Variants in LRP1B observed in about 807,000 individuals in gnomAD.
LRP1B encodes the protein LDL receptor related protein 1B.
A neutral mutation model predicts 556.6 loss-of-function variants in LRP1B; 217 were observed. The observed-to-expected ratio is 0.39, with a 90% confidence interval of 0.35 to 0.44. The LOEUF (loss-of-function observed/expected upper bound fraction) is 0.44. Among genes scored for constraint, LRP1B ranks in the 20% least tolerant of loss-of-function variants. The pLI is 1.00. For missense variants in LRP1B, 5,053 were observed against 5,620.8 expected (o/e 0.90, Z 3.23); for synonymous variants, 2,047 against 1,865.8 (o/e 1.10, Z -2.50).
At chr2:142,129,035 G>A (rs1037286977) in intron 1 of LRP1B, among the ~76,000 whole-genome samples, 27 of 152,204 alleles carry the variant, frequency 1.8e-4, no homozygotes, top group African/African-American at 6.3e-4. Flanking sequence ...CAATCAGGAA[G>A]AGCCCAATAG....
intron 2 of LRP1B, among the ~76,000 whole-genome samples, chr2:141,690,409 A>T (rs1440249477): frequency 1.3e-5 from 1 of 78,236 alleles, no homozygotes; most frequent in Middle Eastern, 5.2e-3. Flanking sequence ...ATATATATAT[A>T]TATATATATA....
chr2:141,876,141 G>A (rs1342476842), intron 1 of LRP1B, among the ~76,000 whole-genome samples: 1 of 152,018 alleles, frequency 6.6e-6, no homozygotes, highest in South Asian at 2.1e-4. Context: ...CTGATATGAT[G>A]AGTAATTCTC....
At chr2:141,363,412 TTTC>T (rs1318068212) in intron 3 of LRP1B, among the ~76,000 whole-genome samples, 1 of 151,706 alleles carries the variant, frequency 6.6e-6, no homozygotes, top group Non-Finnish European at 1.5e-5. Context: ...TGTGTTTATA[TTTC>T]TTAATGACAC....
intron 1 of LRP1B, among the ~76,000 whole-genome samples, chr2:141,811,604 G>A (rs1290176771): frequency 3.9e-5 from 6 of 151,984 alleles, no homozygotes; most frequent in Non-Finnish European, 7.4e-5. Context: ...TACAGATGTA[G>A]GGTATAAGAG....
intron 18 of LRP1B, among the ~76,000 whole-genome samples, chr2:140,976,069 C>T (rs1696586282): frequency 6.6e-6 from 1 of 152,000 alleles, no homozygotes; most frequent in Admixed American, 6.6e-5. Context: ...AGGTACCCAT[C>T]ACCACCCCTG....
chr2:142,068,743 G>A (rs1172964659), intron 1 of LRP1B, among the ~76,000 whole-genome samples: 1 of 151,388 alleles, frequency 6.6e-6, no homozygotes, highest in Non-Finnish European at 1.5e-5. Flanking sequence ...ACTGTGTTAG[G>A]CCCTCAGAAG....
rs146225950 is a variant in LRP1B, at chr2:140,624,996, C to T, written c.6800-23357G>A. ...TTCACAGAACAAGGAGGCCAGGAGCCGGGAAAGAGAGAGCATAAGAAAAAG... is the reference window on the plus strand; with the variant it reads ...TTCACAGAACAAGGAGGCCAGGAGCTGGGAAAGAGAGAGCATAAGAAAAAG... On this transcript the variant is annotated intron_variant, in intron 41 of 90. Coordinates refer to ENST00000389484, the MANE Select transcript of LRP1B (RefSeq NM_018557.3). 1.3e-4 allele frequency among the ~76,000 whole-genome samples: 19 copies of T among 151,874 alleles called. No individual in the cohort carries two copies. In the East Asian group the frequency reaches 2.5e-3, roughly 20 times the overall value.
Position 140,700,580 on chromosome 2 carries a change from G to T in LRP1B, c.6469C>A (p.Leu2157Ile). ...CGGGAATTTCCTCGATAAAGACAGAGTTGCTTACAGCCACCATTGTCCCTG... is the reference window on the plus strand; with the variant it reads ...CGGGAATTTCCTCGATAAAGACAGATTTGCTTACAGCCACCATTGTCCCTG... ...CARDNGGCKQ[L>I]CLYRGNSRRT... The change falls in exon 41 of 91, where the codon CTC becomes ATC. Residue 2157 changes from leucine to isoleucine, a missense_variant. Physicochemically the swap from Leu to Ile is conservative, Grantham distance 5. Around this residue, in one of 5 missense-constraint regions of LRP1B, gnomAD observed 3,619 missense variants for 3,931.9 expected, o/e 0.92. Transcript: ENST00000389484. 6.2e-7 allele frequency: 1 copy of T among 1,613,544 alleles called. No individual in the cohort carries two copies. The highest frequency in any genetic ancestry group is 8.5e-7 in the Non-Finnish European group (1 of 1,179,642).
chr2:141,897,821 A>G (rs1699499008), intron 1 of LRP1B, among the ~76,000 whole-genome samples: 2 of 152,150 alleles, frequency 1.3e-5, no homozygotes, highest in South Asian at 2.1e-4. Context: ...AAATTTCACA[A>G]CTTCTCCCAA....
intron 41 of LRP1B, among the ~76,000 whole-genome samples, chr2:140,617,590 A>T (rs1328158749): frequency 6.6e-6 from 1 of 151,996 alleles, no homozygotes; most frequent in African/African-American, 2.4e-5. Context: ...TATATAAGGG[A>T]AAATAAAATT....
intron 46 of LRP1B, among the ~76,000 whole-genome samples, chr2:140,536,294 A>G (rs1162972124): frequency 1.5e-5 from 2 of 131,716 alleles, no homozygotes; most frequent in African/African-American, 2.8e-5. Flanking sequence ...GGGCAACACA[A>G]TGAGACCCCG....
intron 3 of LRP1B, among the ~76,000 whole-genome samples, chr2:141,282,185 G>T (rs114430944): frequency 0.011 from 1,725 of 152,066 alleles, 14 homozygotes; most frequent in Middle Eastern, 0.017. Flanking sequence ...GATTACAGGG[G>T]AGACTAAAGG....
At chr2:140,446,040 T>C (rs1473588628) in intron 63 of LRP1B, among the ~76,000 whole-genome samples, 2 of 139,282 alleles carry the variant, frequency 1.4e-5, no homozygotes, top group East Asian at 3.9e-4. Flanking sequence ...ATATATGGTC[T>C]GCTTCCATAG....
At chr2:140,586,019 T>TA (rs1054843101) in intron 43 of LRP1B, among the ~76,000 whole-genome samples, 40 of 152,236 alleles carry the variant, frequency 2.6e-4, no homozygotes, top group African/African-American at 9.1e-4. Context: ...AAAGTGTCTT[T>TA]AAAAAAACTC....
intron 41 of LRP1B, among the ~76,000 whole-genome samples, chr2:140,631,979 CA>C (rs145805323): frequency 0.044 from 6,641 of 152,024 alleles, 174 homozygotes; most frequent in Middle Eastern, 0.065. Flanking sequence ...ACCAAACAAG[CA>C]AAAAGACTGG....
rs537263630 is a variant in LRP1B at position 142,030,343 on chromosome 2, A to G, written c.82+100305T>C. Among the ~76,000 whole-genome samples, 40 of 152,112 alleles carry G rather than the reference A, an allele frequency of 2.6e-4. No individual in the cohort carries two copies. In the South Asian group the frequency reaches 3.5e-3, roughly 13 times the overall value. The stretch of plus-strand genomic sequence containing the variant: ...AAATATAAATTGAATAACCACTGCT[A>G]AACATATTGATGGTTGTAATTTAAG... On this transcript the variant is annotated intron_variant, in intron 1 of 90. Transcript: ENST00000389484.
intron 3 of LRP1B, among the ~76,000 whole-genome samples, chr2:141,319,204 T>C (rs115272224): frequency 0.014 from 2,154 of 152,152 alleles, 22 homozygotes; most frequent in Non-Finnish European, 0.023. Context: ...ATTACTATTT[T>C]TTATTGTTTT....
intron 1 of LRP1B, among the ~76,000 whole-genome samples, chr2:141,869,170 T>G (rs1377979252): frequency 6.6e-6 from 1 of 152,102 alleles, no homozygotes; most frequent in Non-Finnish European, 1.5e-5. Flanking sequence ...TGTGCAATGA[T>G]GAAAATGTTC....
At chr2:141,014,953 G>T (rs544991735) in intron 13 of LRP1B, among the ~76,000 whole-genome samples, 1 of 152,172 alleles carries the variant, frequency 6.6e-6, no homozygotes, top group East Asian at 1.9e-4. Flanking sequence ...TTAGCCAAAT[G>T]TGCAGGTTTT....
Sources: allele counts gnomAD v4.1 joint callset (sites outside exome capture counted in the v4.1 genomes callset), GRCh38; gene constraint gnomAD v4.1.1; regional missense constraint gnomAD v4.1.1; transcripts MANE v1.5; gene names NCBI Gene and HGNC (gene_info 2026-07-23, HGNC 2026-07-21).